The following DNM3 variants were observed in gnomAD, a reference collection of about 807,000 sequenced individuals.
DNM3 encodes dynamin-3.
In DNM3, 47 loss-of-function variants were observed where a neutral mutation model predicts 101.6. The ratio of observed to expected loss-of-function variants is 0.46; its 90% CI spans 0.37 to 0.59. The LOEUF is 0.59. Ranked by LOEUF, DNM3 falls within the 20% of genes least tolerant of loss-of-function variation. The pLI, the probability that DNM3 is intolerant of heterozygous loss-of-function variation, is 0.00. For missense variants in DNM3, 849 were observed against 1,085.7 expected (o/e 0.78, Z 3.06); for synonymous variants, 385 against 387.9 (o/e 0.99, Z 0.09).
At chr1:172,276,151 G>T (rs1053403839) in intron 15 of DNM3, among the ~76,000 whole-genome samples, 6 of 152,030 alleles carry the variant, frequency 3.9e-5, no homozygotes, top group Non-Finnish European at 7.4e-5. Context: ...TATTGGTAGG[G>T]TGTCCTAATT....
At chr1:172,033,021 T>A in intron 5 of DNM3, 84 bp from the exon 6 acceptor site, 1 of 1,486,784 alleles carries the variant, frequency 6.7e-7, no homozygotes, top group Non-Finnish European at 9.0e-7. Context: ...CCTTTCTTAC[T>A]CTGCCTATGT....
At chr1:171,845,019 T>C (rs779901479) in intron 1 of DNM3, among the ~76,000 whole-genome samples, 1 of 152,222 alleles carries the variant, frequency 6.6e-6, no homozygotes, top group Non-Finnish European at 1.5e-5. Flanking sequence ...GGTACTCTTA[T>C]GATTTCCATT....
intron 14 of DNM3, among the ~76,000 whole-genome samples, chr1:172,246,469 T>C (rs2061959075): frequency 6.6e-6 from 1 of 152,168 alleles, no homozygotes; most frequent in Non-Finnish European, 1.5e-5. Flanking sequence ...AGACCTATAA[T>C]ACTTTTAGAA....
intron 1 of DNM3, among the ~76,000 whole-genome samples, chr1:171,866,875 G>T (rs529338953): frequency 3.3e-4 from 50 of 152,220 alleles, no homozygotes; most frequent in Admixed American, 2.0e-3. Context: ...GCAAGGTTGT[G>T]TACCTGGTGA....
intron 1 of DNM3, among the ~76,000 whole-genome samples, chr1:171,854,036 G>T (rs1210184966): frequency 1.3e-5 from 2 of 152,158 alleles, no homozygotes; most frequent in Non-Finnish European, 2.9e-5. Context: ...ACCAAAATGG[G>T]TTCAAACAAT....
At chr1:171,900,812 A>G (rs975266813) in intron 1 of DNM3, among the ~76,000 whole-genome samples, 1 of 152,066 alleles carries the variant, frequency 6.6e-6, no homozygotes, top group African/African-American at 2.4e-5. Context: ...TATTATTGAT[A>G]CTTTGAAATG....
chr1:171,950,935 TTCC>T (rs929152097), intron 2 of DNM3, among the ~76,000 whole-genome samples: 3 of 152,000 alleles, frequency 2.0e-5, no homozygotes, highest in Admixed American at 6.6e-5. Flanking sequence ...CATCTTCCTC[TTCC>T]TCCTCCTCCT....
chr1:172,292,635 A>G (rs1270142931), intron 15 of DNM3, among the ~76,000 whole-genome samples: 2 of 142,360 alleles, frequency 1.4e-5, no homozygotes, highest in Non-Finnish European at 3.2e-5. Flanking sequence ...GCGCGTGCGT[A>G]TATTCCTTAC....
chr1:171,917,451 G>C (rs942979915), intron 1 of DNM3, among the ~76,000 whole-genome samples: 1 of 152,140 alleles, frequency 6.6e-6, no homozygotes, highest in Non-Finnish European at 1.5e-5. Flanking sequence ...TGTGGGAATT[G>C]TACTCTATTT....
At chr1:172,312,482 G>C (rs772091125) in intron 16 of DNM3, among the ~76,000 whole-genome samples, 3 of 152,090 alleles carry the variant, frequency 2.0e-5, no homozygotes, top group Non-Finnish European at 4.4e-5. Flanking sequence ...TTCTAGTAAG[G>C]TTACATATGC....
intron 14 of DNM3, among the ~76,000 whole-genome samples, chr1:172,158,116 T>A (rs2058409600): frequency 6.6e-6 from 1 of 151,936 alleles, no homozygotes; most frequent in African/African-American, 2.4e-5. Context: ...TATTTGAGAT[T>A]ATATTGGCAA....
intron 13 of DNM3, among the ~76,000 whole-genome samples, chr1:172,115,217 A>G (rs1432339404): frequency 6.6e-6 from 1 of 152,090 alleles, no homozygotes; most frequent in Non-Finnish European, 1.5e-5. Context: ...CATGGCATCT[A>G]GTCCTGCAGA....
intron 14 of DNM3, chr1:172,144,557 C>G (rs2057774176): frequency 1.9e-6 from 1 of 521,834 alleles, no homozygotes; most frequent in East Asian, 5.7e-5. Context: ...CCCAGTCTAA[C>G]CAATGTGCAG....
intron 14 of DNM3, among the ~76,000 whole-genome samples, chr1:172,180,909 G>A (rs1189087655): frequency 1.3e-5 from 2 of 152,018 alleles, no homozygotes; most frequent in Non-Finnish European, 2.9e-5. Flanking sequence ...ATGGATATAA[G>A]GCAAAATAAC....
chr1:172,137,312 G>A (rs965995856), intron 14 of DNM3: 1 of 152,114 alleles, frequency 6.6e-6, no homozygotes, highest in African/African-American at 2.4e-5. Flanking sequence ...TGCTAGTAAT[G>A]GGACTTTTAT....
intron 2 of DNM3, among the ~76,000 whole-genome samples, chr1:171,974,885 G>A (rs185727850): frequency 2.1e-5 from 3 of 144,300 alleles, no homozygotes; most frequent in Admixed American, 2.0e-4. Context: ...TTTTTGAGTT[G>A]GGGTCTTGGT....
intron 15 of DNM3, among the ~76,000 whole-genome samples, chr1:172,260,251 T>A (rs549667578): frequency 2.0e-5 from 3 of 152,124 alleles, no homozygotes; most frequent in South Asian, 2.1e-4. Flanking sequence ...CTGTTTTTAA[T>A]TTTTTTTCTC....
intron 17 of DNM3, among the ~76,000 whole-genome samples, chr1:172,346,122 C>CAAAAAAAAA (rs554868535): frequency 4.3e-5 from 4 of 92,130 alleles, no homozygotes; most frequent in Admixed American, 1.2e-4. Context: ...GACTCCGTCT[C>CAAAAAAAAA]AAAAAAAAAA....
At chr1:172,355,546 A>G (rs1038312333) in intron 17 of DNM3, among the ~76,000 whole-genome samples, 2 of 151,950 alleles carry the variant, frequency 1.3e-5, no homozygotes, top group Non-Finnish European at 2.9e-5. Flanking sequence ...GGATGGGGGA[A>G]AGCCCTGTTC....
Sources: allele counts gnomAD v4.1 joint callset (sites outside exome capture counted in the v4.1 genomes callset), GRCh38; gene constraint gnomAD v4.1.1; transcripts MANE v1.5; gene names NCBI Gene and HGNC (gene_info 2026-07-23, HGNC 2026-07-21).